Variants in CBL observed in about 807,000 individuals in gnomAD.
CBL encodes Cbl proto-oncogene, also known as E3 ubiquitin-protein ligase CBL.
In CBL, 45 loss-of-function variants were observed where a neutral mutation model predicts 96.9. The ratio of observed to expected loss-of-function variants is 0.46; its 90% CI spans 0.37 to 0.60. The LOEUF (loss-of-function observed/expected upper bound fraction) is 0.60. CBL is among the 20% of genes least tolerant of loss of function. The pLI is 0.00. For missense variants in CBL, 1,024 were observed against 1,143.5 expected (o/e 0.90, Z 1.51); for synonymous variants, 420 against 426.8 (o/e 0.98, Z 0.20).
chr11:119,234,073 C>A (rs187006201), intron 2 of CBL, among the ~76,000 whole-genome samples: 1 of 152,136 alleles, frequency 6.6e-6, no homozygotes, highest in Non-Finnish European at 1.5e-5. Context: ...GTGGTGTGAT[C>A]TTGGCTCACC....
At chr11:119,276,252 T>A in intron 6 of CBL, 118 bp downstream of exon 6, 3 of 1,042,300 alleles carry the variant, frequency 2.9e-6, no homozygotes, top group Non-Finnish European at 4.5e-6. Context: ...AGGAAAATAT[T>A]AACAGATGAT....
At chr11:119,212,972 C>CA (rs11451657) in intron 1 of CBL, among the ~76,000 whole-genome samples, 56,083 of 108,712 alleles carry the variant, frequency 0.52, 12,696 homozygotes, top group African/African-American at 0.7. Context: ...AACTCCGTCT[C>CA]AAAAAAAAAG....
chr11:119,253,988 CAAAAAAAA>C lies in CBL; in HGVS notation c.444-17731_444-17724del, dbSNP rs55881003. 3.0e-4 allele frequency among the ~76,000 whole-genome samples: 20 copies of C among 67,052 alleles called. No homozygotes were observed. The Admixed American group carries it at 3.7e-3, about 13-fold the overall frequency. 44.0% of individuals were successfully genotyped at this position (67,052 alleles called of 152,430 possible). A position where few individuals can be genotyped will look rare whatever the true frequency, so the allele number is the denominator to read the frequency against. On this transcript the variant is annotated intron_variant, in intron 2 of 15. Coordinates refer to ENST00000264033, the MANE Select transcript of CBL (RefSeq NM_005188.4). Reference sequence around the variant, plus strand: ...TAGTCAACAGAGTGAGACCTTGACTCAAAAAAAAAAAAAAAAAAAAAAAGGACATACAC... The same window carrying C: ...TAGTCAACAGAGTGAGACCTTGACTCAAAAAAAAAAAAAAAGGACATACAC...
At chr11:119,211,107 C>T (rs183701570) in intron 1 of CBL, among the ~76,000 whole-genome samples, 6 of 152,290 alleles carry the variant, frequency 3.9e-5, no homozygotes, top group Admixed American at 2.6e-4. Context: ...CGCGGTGGCT[C>T]ATGCCTGTAA....
At chr11:119,270,622 A>G (rs1428092559) in intron 2 of CBL, among the ~76,000 whole-genome samples, 1 of 147,034 alleles carries the variant, frequency 6.8e-6, no homozygotes, top group African/African-American at 2.5e-5. Context: ...AATTTTTTGT[A>G]TTTTTAGTAG....
chr11:119,250,144 GTGTTCTGGGACACAGCTA>G (rs1320477715), intron 2 of CBL, among the ~76,000 whole-genome samples: 1 of 152,158 alleles, frequency 6.6e-6, no homozygotes, highest in Non-Finnish European at 1.5e-5. Flanking sequence ...CTCCTAAGCT[GTGTTCTGGGACACAGCTA>G]TGTTACATGG....
At chr11:119,211,033 CA>C (rs1484947532) in intron 1 of CBL, among the ~76,000 whole-genome samples, 2 of 152,062 alleles carry the variant, frequency 1.3e-5, no homozygotes, top group African/African-American at 4.8e-5. Context: ...AGTACAATTA[CA>C]AAATACACTG....
intron 2 of CBL, among the ~76,000 whole-genome samples, chr11:119,251,135 T>C (rs933789289): frequency 6.6e-6 from 1 of 152,168 alleles, no homozygotes; most frequent in Non-Finnish European, 1.5e-5. Flanking sequence ...GTGCCTGATA[T>C]ATTCAAAACT....
chr11:119,286,403 A>G (rs527828999), intron 11 of CBL, among the ~76,000 whole-genome samples: 1 of 152,348 alleles, frequency 6.6e-6, no homozygotes, highest in South Asian at 2.1e-4. Flanking sequence ...GAAAACACTT[A>G]AGTTTTAGAG....
At chr11:119,265,876 A>T (rs914397119) in intron 2 of CBL, among the ~76,000 whole-genome samples, 1 of 151,810 alleles carries the variant, frequency 6.6e-6, no homozygotes, top group Non-Finnish European at 1.5e-5. Context: ...TATAAAATTA[A>T]CCGGGCGTGG....
intron 6 of CBL, among the ~76,000 whole-genome samples, chr11:119,277,239 G>GCACACA (rs112214824): frequency 0.018 from 2,472 of 138,316 alleles, 64 homozygotes; most frequent in African/African-American, 0.052. Context: ...AGAATCTGTC[G>GCACACA]CGCACACACA....
intron 2 of CBL, among the ~76,000 whole-genome samples, chr11:119,238,918 T>C (rs188122907): frequency 5.3e-5 from 8 of 152,304 alleles, no homozygotes; most frequent in Admixed American, 2.0e-4. Flanking sequence ...AACAATACTG[T>C]TTTCCGCTAC....
chr11:119,217,301 C>A (rs955210671), intron 1 of CBL, among the ~76,000 whole-genome samples: 1 of 152,042 alleles, frequency 6.6e-6, no homozygotes, highest in East Asian at 1.9e-4. Flanking sequence ...TTTTAGTAGA[C>A]GGGGTTTCTC....
At chr11:119,275,568 A>T (rs1277382174) in intron 5 of CBL, among the ~76,000 whole-genome samples, 1 of 152,058 alleles carries the variant, frequency 6.6e-6, no homozygotes, top group African/African-American at 2.4e-5. Context: ...TGAAGCTCAG[A>T]AGTAGTTATT....
chr11:119,248,232 G>A (rs1043957556), intron 2 of CBL, among the ~76,000 whole-genome samples: 1 of 152,220 alleles, frequency 6.6e-6, no homozygotes, highest in African/African-American at 2.4e-5. Flanking sequence ...TTACTGCAAA[G>A]CTGCAATAAT....
At position 119,306,375 on chromosome 11, in the gene CBL, A is replaced by T; in HGVS notation, c.*6594A>T. On this transcript the variant is annotated 3_prime_UTR_variant, in exon 16 of 16. Coordinates refer to ENST00000264033, the MANE Select transcript of CBL (RefSeq NM_005188.4). Reference sequence around the variant, plus strand: ...CTGATTGCCTGATTCAGTCCCAAAAATGAATGTCAGGCCCCGCCCCCTCCC... The same window carrying T: ...CTGATTGCCTGATTCAGTCCCAAAATTGAATGTCAGGCCCCGCCCCCTCCC... The T allele has an allele frequency of 2.5e-6, 1 of 398,922 alleles. No homozygotes were observed. The highest frequency in any genetic ancestry group is 1.3e-4 in the South Asian group (1 of 7,854). 24.7% of individuals were successfully genotyped at this position (398,922 alleles called of 1,614,324 possible).
chr11:119,211,704 A>T (rs1055205311), intron 1 of CBL, among the ~76,000 whole-genome samples: 26 of 151,886 alleles, frequency 1.7e-4, no homozygotes, highest in African/African-American at 6.0e-4. Flanking sequence ...AGGTTTTGCC[A>T]TGTTGGCTAG....
chr11:119,237,380 T>G (rs1219266119), intron 2 of CBL, among the ~76,000 whole-genome samples: 5 of 152,360 alleles, frequency 3.3e-5, no homozygotes, highest in East Asian at 1.9e-4. Flanking sequence ...TTCACTTTCT[T>G]AACAGTATGC....
chr11:119,245,003 C>T (rs1214936350), intron 2 of CBL, among the ~76,000 whole-genome samples: 1 of 151,974 alleles, frequency 6.6e-6, no homozygotes, highest in Non-Finnish European at 1.5e-5. Flanking sequence ...CCCCAAGTAG[C>T]TGGGACTACA....
Sources: gnomAD v4.1 joint callset for allele counts (sites outside exome capture counted in the v4.1 genomes callset) on GRCh38, gnomAD v4.1.1 for gene constraint, MANE v1.5 for transcripts, NCBI Gene and HGNC (gene_info 2026-07-23, HGNC 2026-07-21) for gene names.